The following RNGTT variants were observed in gnomAD, a reference collection of about 807,000 sequenced individuals.
RNGTT encodes RNA guanylyltransferase and 5'-phosphatase, also known as mRNA-capping enzyme.
Under a neutral mutation model 79.3 loss-of-function variants are expected in RNGTT, and 33 were observed. The ratio of observed to expected loss-of-function variants is 0.42; its 90% confidence interval spans 0.32 to 0.56. The LOEUF (loss-of-function observed/expected upper bound fraction) is 0.56, where lower values mean the gene tolerates loss of function less well. Ranked by LOEUF, RNGTT falls within the 20% of genes least tolerant of loss-of-function variation. The pLI, the probability that RNGTT is intolerant of heterozygous loss-of-function variation, is 0.17. For synonymous variants in RNGTT, 222 were observed against 235.9 expected (o/e 0.94, Z 0.54); for missense variants, 497 against 739.1 (o/e 0.67, Z 3.80).
At chr6:88,959,996 A>C (rs1303302502) in intron 1 of RNGTT, among the ~76,000 whole-genome samples, 1 of 152,230 alleles carries the variant, frequency 6.6e-6, no homozygotes, top group Non-Finnish European at 1.5e-5. Context: ...TACTGAAGAT[A>C]ATTCATGTAT....
chr6:88,750,312 T>A (rs1336470290), intron 13 of RNGTT, among the ~76,000 whole-genome samples: 5 of 152,156 alleles, frequency 3.3e-5, no homozygotes, highest in Non-Finnish European at 7.4e-5. Context: ...AAGGGTAATA[T>A]GGTAAGACCA....
chr6:88,928,729 A>C lies in RNGTT; in HGVS notation c.367+256T>G, dbSNP rs182594201. The stretch of plus-strand genomic sequence containing the variant: ...TAAAATGTAGAAGTATAAAAAATAA[A>C]TATGTAGTGTTTAGGATAGACTTTC... On this transcript the variant is annotated intron_variant, in intron 4 of 15. Coordinates refer to ENST00000369485, the MANE Select transcript of RNGTT (RefSeq NM_003800.5). Among the ~76,000 whole-genome samples, 419 of 152,344 alleles carry C rather than the reference A, an allele frequency of 2.8e-3. 7 individuals carry two copies. The highest frequency in any genetic ancestry group is 9.8e-3 in the African/African-American group (408 of 41,588).
intron 8 of RNGTT, among the ~76,000 whole-genome samples, chr6:88,879,167 C>T (rs1444582222): frequency 6.6e-6 from 1 of 152,058 alleles, no homozygotes; most frequent in African/African-American, 2.4e-5. Context: ...GAGGCTGAGG[C>T]GAGCAGATCA....
At chr6:88,837,909 T>G (rs1270962242) in intron 11 of RNGTT, among the ~76,000 whole-genome samples, 1 of 152,084 alleles carries the variant, frequency 6.6e-6, no homozygotes, top group Admixed American at 6.5e-5. Context: ...CCATAACTAC[T>G]GCCACAATTT....
intron 13 of RNGTT, among the ~76,000 whole-genome samples, chr6:88,689,386 C>A (rs539305548): frequency 6.6e-6 from 1 of 152,028 alleles, no homozygotes; most frequent in African/African-American, 2.4e-5. Context: ...CTAAGGTCAG[C>A]GGTTCGAGAC....
chr6:88,764,224 C>G (rs1418891440), intron 13 of RNGTT, among the ~76,000 whole-genome samples: 2 of 152,320 alleles, frequency 1.3e-5, no homozygotes, highest in East Asian at 3.9e-4. Flanking sequence ...CTCTTCAGTT[C>G]TTTCGTAACA....
At chr6:88,699,711 A>C (rs1286421654) in intron 13 of RNGTT, among the ~76,000 whole-genome samples, 2 of 152,172 alleles carry the variant, frequency 1.3e-5, no homozygotes, top group Non-Finnish European at 1.5e-5. Context: ...CGTGGTATGC[A>C]CCTACAATGG....
rs1425655311 is a variant in RNGTT, at chr6:88,890,423, TTTTC to T, written c.896+68_896+71del. On this transcript the variant is annotated intron_variant, in intron 8 of 15. Coordinates refer to ENST00000369485, the MANE Select transcript of RNGTT (RefSeq NM_003800.5). The stretch of plus-strand genomic sequence containing the variant: ...AATTCACACTCTCAAGAGTGTAAAC[TTTTC>T]TAACAATAAAACAATATTCTTCAAG... 1.3e-5 allele frequency: 12 copies of T among 958,228 alleles called. No individual in the cohort carries two copies. The East Asian group carries it at 3.0e-4, about 24-fold the overall frequency. 59.4% of individuals were successfully genotyped at this position (958,228 alleles called of 1,614,324 possible).
rs550477580 is a variant in RNGTT, at chr6:88,943,009, A to T, written c.65-1829T>A. Among the ~76,000 whole-genome samples the T allele has an allele frequency of 1.1e-4, 17 of 149,676 alleles. No individual in the cohort carries two copies. In the East Asian group the frequency reaches 1.8e-3, roughly 16 times the overall value. ...TTTAGTGGCTCCCCCTCTCACCCTGACTCCTCTATGTTTTGTCTCAGGACT... is the reference window on the plus strand; with the variant it reads ...TTTAGTGGCTCCCCCTCTCACCCTGTCTCCTCTATGTTTTGTCTCAGGACT... On this transcript the variant is annotated intron_variant, in intron 1 of 15. Transcript: ENST00000369485.
chr6:88,801,408 GC>G (rs2127862877), intron 12 of RNGTT, among the ~76,000 whole-genome samples, 155 bp downstream of exon 12: 1 of 152,150 alleles, frequency 6.6e-6, no homozygotes, highest in South Asian at 2.1e-4. Flanking sequence ...TTCATAATGA[GC>G]AATTTGTTTT....
chr6:88,706,741 G>C (rs1214972268), intron 13 of RNGTT, among the ~76,000 whole-genome samples: 1 of 151,910 alleles, frequency 6.6e-6, no homozygotes, highest in African/African-American at 2.4e-5. Context: ...ACAAATAAAT[G>C]TTTTATAACT....
Position 88,853,621 on chromosome 6 carries a change from T to C in RNGTT, c.1032+8A>G, listed in dbSNP as rs760611457. 2.6e-6 allele frequency: 4 copies of C among 1,549,618 alleles called. No homozygotes were observed. The highest frequency in any genetic ancestry group is 2.8e-5 in the African/African-American group (2 of 71,582). ...TTTAATTTTATAGTATACATAAATA[T>C]GACTTACGCCATCCAAGAGAGTATT... On this transcript the variant is annotated splice_region_variant and intron_variant, in intron 9 of 15. Transcript: ENST00000369485.
chr6:88,769,877 A>G lies in RNGTT; in HGVS notation c.1339-3T>C. ...TCACATCGACCAGGTTTGTATTTCTAAAGCCAATTAAAATGATGACAATCG... is the reference window on the plus strand; with the variant it reads ...TCACATCGACCAGGTTTGTATTTCTGAAGCCAATTAAAATGATGACAATCG... On this transcript the variant is annotated splice_region_variant and splice_polypyrimidine_tract_variant and intron_variant, in intron 12 of 15. Transcript: ENST00000369485. 1 of 1,590,906 alleles carries G rather than the reference A, an allele frequency of 6.3e-7. No homozygotes were observed. Among genetic ancestry groups the G allele is most frequent in the Non-Finnish European group, 8.6e-7 (1 of 1,161,316 alleles).
At chr6:88,795,200 T>C (rs987760426) in intron 12 of RNGTT, among the ~76,000 whole-genome samples, 3 of 152,198 alleles carry the variant, frequency 2.0e-5, no homozygotes, top group Non-Finnish European at 4.4e-5. Flanking sequence ...GAAAGAAACC[T>C]AGCAACTATC....
At chr6:88,634,703 A>G (rs768308502) in intron 14 of RNGTT, among the ~76,000 whole-genome samples, 1 of 152,172 alleles carries the variant, frequency 6.6e-6, no homozygotes, top group Non-Finnish European at 1.5e-5. Flanking sequence ...CATTAGAATA[A>G]GTACTACAAC....
chr6:88,843,361 C>T (rs888626374), intron 11 of RNGTT, among the ~76,000 whole-genome samples: 4 of 151,830 alleles, frequency 2.6e-5, no homozygotes, highest in African/African-American at 9.7e-5. Flanking sequence ...GGACTAGAAG[C>T]AATCTAAAAA....
intron 6 of RNGTT, among the ~76,000 whole-genome samples, chr6:88,901,136 T>A (rs1202940376): frequency 1.3e-5 from 2 of 148,286 alleles, no homozygotes; most frequent in African/African-American, 5.0e-5. Flanking sequence ...AGCTAGACTG[T>A]CTCCAGAAAA....
At chr6:88,829,235 G>C (rs1780768799) in intron 11 of RNGTT, among the ~76,000 whole-genome samples, 1 of 152,110 alleles carries the variant, frequency 6.6e-6, no homozygotes, top group Admixed American at 6.6e-5. Context: ...CATTCTTAAA[G>C]GAAAGAATTT....
intron 6 of RNGTT, among the ~76,000 whole-genome samples, chr6:88,899,062 T>A (rs1300960650): frequency 6.6e-6 from 1 of 151,832 alleles, no homozygotes; most frequent in Non-Finnish European, 1.5e-5. Flanking sequence ...ATATTACTTA[T>A]ATGAGTAAAA....
Sources: gnomAD v4.1 joint callset for allele counts (sites outside exome capture counted in the v4.1 genomes callset) on GRCh38, gnomAD v4.1.1 for gene constraint, MANE v1.5 for transcripts, NCBI Gene and HGNC (gene_info 2026-07-23, HGNC 2026-07-21) for gene names.